The following KNTC1 variants were observed in gnomAD, a reference collection of about 807,000 sequenced individuals.
The protein encoded by KNTC1 is kinetochore associated 1.
A neutral mutation model predicts 314.4 loss-of-function variants in KNTC1; 253 were observed. The observed-to-expected ratio is 0.80, with a 90% CI of 0.73 to 0.89. The LOEUF is 0.89. Among genes scored for constraint, KNTC1 ranks in the 40% least tolerant of loss-of-function variants. The pLI is 0.00. For synonymous variants in KNTC1, 901 were observed against 901.4 expected (o/e 1.00, Z 0.01); for missense variants, 2,475 against 2,572.9 (o/e 0.96, Z 0.82).
chr12:122,597,386 C>A (rs1410021261), intron 43 of KNTC1: 1 of 289,964 alleles, frequency 3.4e-6, no homozygotes, highest in African/African-American at 2.2e-5. Flanking sequence ...GTAGCTGGGA[C>A]TACAGCCATG....
intron 34 of KNTC1, among the ~76,000 whole-genome samples, chr12:122,583,805 G>A (rs913680980): frequency 2.0e-5 from 3 of 151,884 alleles, no homozygotes; most frequent in African/African-American, 7.3e-5. Context: ...CAGCCTGGGC[G>A]ACAGAGTGAG....
At chr12:122,585,043 C>CTTTT in intron 36 of KNTC1, 53 bp downstream of exon 36, 1 of 817,528 alleles carries the variant, frequency 1.2e-6, no homozygotes, top group South Asian at 1.7e-5. Flanking sequence ...CATTATGCAC[C>CTTTT]TTTTTTTTTT....
chr12:122,580,067 C>T lies in KNTC1; in HGVS notation c.2914+90C>T, dbSNP rs769120951. The T allele has an allele frequency of 2.8e-5, 23 of 808,152 alleles. 1 individual carries two copies. Among genetic ancestry groups the T allele is most frequent in the South Asian group, 2.3e-4 (14 of 61,726 alleles). 50.1% of individuals were successfully genotyped at this position (808,152 alleles called of 1,614,324 possible). ...CATCGAAGACAACTCTCACCGTACC[C>T]GCAGTTTTTCTGGTTCTGATTGTCT... On this transcript the variant is annotated intron_variant, in intron 32 of 63. Transcript: ENST00000333479.
intron 18 of KNTC1, among the ~76,000 whole-genome samples, chr12:122,559,719 C>T (rs1963852308): frequency 6.6e-6 from 1 of 151,960 alleles, no homozygotes; most frequent in African/African-American, 2.4e-5. Context: ...ATTACAGGCT[C>T]CCGCTGCCAC....
chr12:122,587,074 C>T (rs909996998), intron 38 of KNTC1, among the ~76,000 whole-genome samples: 8 of 152,160 alleles, frequency 5.3e-5, no homozygotes, highest in African/African-American at 1.7e-4. Context: ...GCCTCAGCCT[C>T]CCAAAGTGCT....
chr12:122,591,422 C>A lies in KNTC1; in HGVS notation c.4214C>A (p.Ala1405Asp). The part of the protein sequence containing the change: ...GLKFRELSTD[A>D]QWGIRLGKLG... The stretch of plus-strand genomic sequence containing the variant: ...AAGTTCCGTGAACTCAGTACTGATG[C>A]CCAGTGGGGCATTCGTCTTGGTAAA... Residue 1405 changes from alanine to aspartate, a missense_variant, in exon 42 of 64, where the codon GCC (alanine) becomes GAC (aspartate). Transcript: ENST00000333479. The A allele has an allele frequency of 6.3e-7, 1 of 1,598,430 alleles. No homozygotes were observed.
intron 59 of KNTC1, among the ~76,000 whole-genome samples, chr12:122,619,818 A>G (rs1874220312): frequency 6.6e-6 from 1 of 152,324 alleles, no homozygotes; most frequent in Admixed American, 6.5e-5. Context: ...TACCTACTGT[A>G]TGAGCATAGA....
Position 122,551,622 on chromosome 12 carries a change from T to C in KNTC1, c.1198T>C (p.Leu400=). 1 of 1,613,514 alleles carries C rather than the reference T, an allele frequency of 6.2e-7. No individual in the cohort carries two copies. The part of the protein sequence containing the change: ...CLTEALPENR[L]SRLLHKHRFA... ...AAAATTTCTCTTCCAACTTAACAGATTGAGTCGGTTACTTCACAAACACAG... is the reference window on the plus strand; with the variant it reads ...AAAATTTCTCTTCCAACTTAACAGACTGAGTCGGTTACTTCACAAACACAG... Residue 400 remains leucine (L), a splice_region_variant and synonymous_variant, in exon 16 of 64, where the codon TTG becomes CTG. Transcript: ENST00000333479.
At chr12:122,553,321 A>G (rs1963326648) in intron 16 of KNTC1, among the ~76,000 whole-genome samples, 4 of 152,136 alleles carry the variant, frequency 2.6e-5, no homozygotes, top group Admixed American at 1.3e-4. Context: ...TGTGTGGAAG[A>G]GCAGTTTAGG....
chr12:122,579,025 C>CTTTTTTTTTTTTTTTTTTTTTTTTTTTTT (rs74421837), intron 31 of KNTC1, among the ~76,000 whole-genome samples: 1 of 75,210 alleles, frequency 1.3e-5, no homozygotes, highest in African/African-American at 4.7e-5. Context: ...AGTCTGTATT[C>CTTTTTTTTTTTTTTTTTTTTTTTTTTTTT]TTTTTTTTTT....
Position 122,575,676 on chromosome 12 carries a change from T to G in KNTC1, c.2486+30T>G. Reference sequence around the variant, plus strand: ...GATGACTGTCTACGAAACAATGTTGTTATGCTCTGGAGAAACATTGTGTTT... The same window carrying G: ...GATGACTGTCTACGAAACAATGTTGGTATGCTCTGGAGAAACATTGTGTTT... On this transcript the variant is annotated intron_variant, in intron 28 of 63. Transcript: ENST00000333479. 2.6e-6 allele frequency: 4 copies of G among 1,519,152 alleles called. No individual in the cohort carries two copies. The South Asian group carries it at 4.7e-5, about 18-fold the overall frequency. 94.1% of individuals were successfully genotyped at this position (1,519,152 alleles called of 1,614,324 possible).
chr12:122,558,894 C>T (rs1963786004), intron 18 of KNTC1, among the ~76,000 whole-genome samples: 1 of 152,002 alleles, frequency 6.6e-6, no homozygotes, highest in Non-Finnish European at 1.5e-5. Context: ...AACAAAACCT[C>T]TATGCCATTA....
Position 122,610,920 on chromosome 12 carries a change from T to C in KNTC1, c.5622+20T>C. 6.4e-7 allele frequency: 1 copy of C among 1,552,160 alleles called. No individual in the cohort carries two copies. The highest frequency in any genetic ancestry group is 8.9e-7 in the Non-Finnish European group (1 of 1,124,152). ...ACAACCGTAAGCTCTAGAAACTTAA[T>C]CCAAACTCTTCTGTGCATCTCAGCT... On this transcript the variant is annotated intron_variant, in intron 53 of 63. Coordinates refer to ENST00000333479, the MANE Select transcript of KNTC1 (RefSeq NM_014708.6).
intron 44 of KNTC1, 95 bp from the exon 45 acceptor site, chr12:122,601,441 T>C: frequency 9.0e-7 from 1 of 1,109,672 alleles, no homozygotes; most frequent in Non-Finnish European, 1.2e-6. Flanking sequence ...CAGTGACATT[T>C]TTATATTTGT....
intron 16 of KNTC1, among the ~76,000 whole-genome samples, chr12:122,555,581 G>T (rs2137806174): frequency 6.6e-6 from 1 of 151,670 alleles, no homozygotes; most frequent in South Asian, 2.1e-4. Context: ...CGGGCGCGGT[G>T]GCTCACGCCT....
At chr12:122,569,931 C>CT in intron 22 of KNTC1, 107 bp downstream of exon 22, 3 of 928,172 alleles carry the variant, frequency 3.2e-6, no homozygotes, top group Non-Finnish European at 4.8e-6. Context: ...GTTAGTTAAG[C>CT]TAACACCTGT....
chr12:122,557,408 C>G lies in KNTC1; in HGVS notation c.1297C>G (p.His433Asp). ...GCTTGTTTACAAGGTCAAGTCAAAT[C>G]ATATATTGGAGAAACTGGCATTGAG... ...VELVYKVKSNHILEKLALSSV... is the reference protein window; with the variant it reads ...VELVYKVKSNDILEKLALSSV... Residue 433 changes from histidine (H) to aspartate (D), a missense_variant, in exon 17 of 64, where the codon CAT becomes GAT. Coordinates refer to ENST00000333479, the MANE Select transcript of KNTC1 (RefSeq NM_014708.6). 2 of 1,613,322 alleles carry G rather than the reference C, an allele frequency of 1.2e-6. No homozygotes were observed. Among genetic ancestry groups the G allele is most frequent in the Non-Finnish European group, 1.7e-6 (2 of 1,179,624 alleles).
chr12:122,554,610 CT>C (rs1358816265), intron 16 of KNTC1, among the ~76,000 whole-genome samples: 1 of 151,986 alleles, frequency 6.6e-6, no homozygotes, highest in African/African-American at 2.4e-5. Context: ...TACATTATTA[CT>C]TTTTTGAACA....
At chr12:122,563,622 A>G (rs1468093926) in intron 20 of KNTC1, 2 of 463,882 alleles carry the variant, frequency 4.3e-6, no homozygotes, top group African/African-American at 2.1e-5. Context: ...TCACTGCGCC[A>G]CCCTAGCAGC....
Sources: gnomAD v4.1 joint callset for allele counts (sites outside exome capture counted in the v4.1 genomes callset) on GRCh38, gnomAD v4.1.1 for gene constraint, MANE v1.5 for transcripts, NCBI Gene and HGNC (gene_info 2026-07-23, HGNC 2026-07-21) for gene names.